Variants in CDK11A observed in about 807,000 individuals in gnomAD.
The protein encoded by CDK11A is cyclin dependent kinase 11A.
A neutral mutation model predicts 83.6 loss-of-function variants in CDK11A; 55 were observed. The ratio of observed to expected loss-of-function variants is 0.66; its 90% CI spans 0.53 to 0.82. The LOEUF is 0.82. Ranked by LOEUF, CDK11A falls within the 40% of genes least tolerant of loss-of-function variation. CDK11A has a pLI of 0.00. For synonymous variants in CDK11A, 247 were observed against 302.7 expected, an observed-to-expected ratio of 0.82 and a Z score of 1.91; for missense variants, 564 against 810.1, an observed-to-expected ratio of 0.70 and a Z score of 3.69.
rs1411337152 is a variant in CDK11A, at chr1:1,703,501, C to G, written c.2035G>C (p.Asp679His). The change falls in exon 18 of 20, where the codon GAC (aspartate) becomes CAC (histidine). Residue 679 changes from aspartate to histidine, a missense_variant. Physicochemically the swap from Asp to His is moderately conservative, Grantham distance 81 (BLOSUM62 -1). Around this residue, in one of 5 missense-constraint regions of CDK11A, gnomAD observed 361 missense variants for 402.7 expected, o/e 0.90. Transcript: ENST00000404249. ...LRKRFGALLS[D>H]QGFDLMNKFL... Reference sequence around the variant, plus strand: ...TTGTTCATGAGGTCGAAGCCCTGGTCTGAGAGCAGAGCCCCGAAGCGCTTG... The same window carrying G: ...TTGTTCATGAGGTCGAAGCCCTGGTGTGAGAGCAGAGCCCCGAAGCGCTTG... 3.2e-6 allele frequency: 5 copies of G among 1,539,488 alleles called. No homozygotes were observed. Among genetic ancestry groups the G allele is most frequent in the East Asian group, 2.4e-5 (1 of 41,636 alleles).
intron 2 of CDK11A, chr1:1,722,014 G>A: frequency 3.6e-6 from 1 of 275,382 alleles, no homozygotes; most frequent in East Asian, 9.1e-5. Context: ...AGCTTGGCAT[G>A]TTGGTGAGCC....
chr1:1,722,458 A>T (rs1644942600), intron 2 of CDK11A: 1 of 695,654 alleles, frequency 1.4e-6, no homozygotes, highest in Non-Finnish European at 2.4e-6. Context: ...GAGAAAAATT[A>T]GTCCAGTTTT....
chr1:1,718,818 A>G (rs1266551148), intron 4 of CDK11A, among the ~76,000 whole-genome samples: 1 of 149,890 alleles, frequency 6.7e-6, no homozygotes, highest in Non-Finnish European at 1.5e-5. Context: ...TTGTATTTTT[A>G]GTAGAGACTG....
intron 11 of CDK11A, 68 bp downstream of exon 11, chr1:1,707,341 C>T (rs374384253): frequency 0.086 from 128,438 of 1,497,534 alleles, 13,024 homozygotes; most frequent in African/African-American, 0.43. Context: ...GGCCAGGCTT[C>T]GCTCAGCCCC....
chr1:1,706,141 C>T (rs112830236), intron 11 of CDK11A, among the ~76,000 whole-genome samples: 27,474 of 148,708 alleles, frequency 0.18, 4,850 homozygotes, highest in African/African-American at 0.45. Context: ...GGTGAGATCT[C>T]GGCTCACTGC....
rs558644609 is a variant in CDK11A at position 1,703,835 on chromosome 1, T to C, written c.1900A>G (p.Lys634Glu). The C allele has an allele frequency of 1.2e-5, 20 of 1,609,682 alleles. 2 individuals are homozygous for C. In the African/African-American group the frequency reaches 2.4e-4, roughly 19 times the overall value. ...AGGGCCAGACCCACCTTGAACACTT[T>C]GTTGATCTGATCGATTTCCGAATTC... is the stretch of plus-strand genomic sequence containing the variant. ...PGNSEIDQINKVFKELGTPSE... is the reference protein window; with the variant it reads ...PGNSEIDQINEVFKELGTPSE... The change falls in exon 17 of 20, where the codon AAA (lysine) becomes GAA (glutamate). Residue 634 changes from lysine to glutamate, a missense_variant. By Grantham distance (56) the Lys-to-Glu change is moderately conservative. Coordinates refer to ENST00000404249, the MANE Select transcript of CDK11A (RefSeq NM_024011.4).
rs763291697 is a variant in CDK11A, at chr1:1,703,949, C to T, written c.1795-9G>A. 3.0e-5 allele frequency: 49 copies of T among 1,609,312 alleles called. No individual in the cohort carries two copies. Among genetic ancestry groups the T allele is most frequent in the African/African-American group, 1.9e-4 (14 of 74,610 alleles). Reference sequence around the variant, plus strand: ...ACGGCCGTGGAGTATTCCTAAGACGCCAGGAGAGGTGTTCAGGAAGGCCAG... The same window carrying T: ...ACGGCCGTGGAGTATTCCTAAGACGTCAGGAGAGGTGTTCAGGAAGGCCAG... On this transcript the variant is annotated splice_polypyrimidine_tract_variant and intron_variant, in intron 16 of 19. Coordinates refer to ENST00000404249, the MANE Select transcript of CDK11A (RefSeq NM_024011.4).
At chr1:1,703,991 G>A in intron 16 of CDK11A, 48 bp downstream of exon 16, 1 of 1,606,348 alleles carries the variant, frequency 6.2e-7, no homozygotes. Context: ...CGAAGCTGTG[G>A]GAGGCTGCAT....
chr1:1,706,380 T>C (rs1435273074), intron 11 of CDK11A, among the ~76,000 whole-genome samples: 4 of 151,324 alleles, frequency 2.6e-5, no homozygotes, highest in South Asian at 2.1e-4. Context: ...GCCAAAACTC[T>C]TCTCTACAAA....
At position 1,716,439 on chromosome 1, in the gene CDK11A, C is replaced by T. The variant is rs750242434; in HGVS notation, c.395G>A (p.Arg132Gln). Residue 132 changes from arginine (R) to glutamine (Q), a missense_variant, in exon 5 of 20, where the codon CGG becomes CAG. Physicochemically the swap from Arg to Gln is conservative, Grantham distance 43 (BLOSUM62 1). Around this residue, in one of 5 missense-constraint regions of CDK11A, gnomAD observed 151 missense variants for 147.4 expected, o/e 1.02. Transcript: ENST00000404249. ...ARVKEREHER[R>Q]KRHREEQDKA... Reference sequence around the variant, plus strand: ...ATCCTGTTCTTCTCGATGTCGTTTCCGACGTTCGTGCTCTCTTTCTTTCAC... The same window carrying T: ...ATCCTGTTCTTCTCGATGTCGTTTCTGACGTTCGTGCTCTCTTTCTTTCAC... 47 of 1,608,642 alleles carry T rather than the reference C, an allele frequency of 2.9e-5. 3 individuals are homozygous for T. In the South Asian group the frequency reaches 3.2e-4, roughly 11 times the overall value.
chr1:1,716,424 T>A lies in CDK11A; in HGVS notation c.410A>T (p.Glu137Val), dbSNP rs747279722. ...TTCCCGGCGAGCTTTATCCTGTTCT[T>A]CTCGATGTCGTTTCCGACGTTCGTG... ...REHERRKRHR[E>V]EQDKARREWE... is the part of the protein sequence containing the mutation. Residue 137 changes from glutamate to valine, a missense_variant, in exon 5 of 20, where the codon GAA becomes GTA. Glu to Val is a moderately radical substitution (Grantham distance 121). This residue lies in a region of CDK11A where 151 missense variants were observed against 147.4 expected (regional missense o/e 1.02). Transcript: ENST00000404249. 6.2e-6 allele frequency: 10 copies of A among 1,608,580 alleles called. No individual in the cohort carries two copies. Among genetic ancestry groups the A allele is most frequent in the Non-Finnish European group, 8.5e-6 (10 of 1,176,212 alleles).
intron 9 of CDK11A, 89 bp from the exon 10 acceptor site, chr1:1,708,334 A>C (rs1644399188): frequency 6.9e-7 from 1 of 1,443,494 alleles, no homozygotes; most frequent in South Asian, 1.3e-5. Context: ...GCTAAGCAAC[A>C]AGTGTTCCCA....
At chr1:1,717,638 G>A (rs1450964320) in intron 4 of CDK11A, among the ~76,000 whole-genome samples, 2 of 44,402 alleles carry the variant, frequency 4.5e-5, no homozygotes, top group Admixed American at 3.2e-4. Context: ...TCTGGTTTTC[G>A]GTCTGTGACA....
rs1644191565 is a variant in CDK11A at position 1,703,918 on chromosome 1, A to G, written c.1817T>C (p.Met606Thr). Residue 606 changes from methionine (M) to threonine (T), a missense_variant, in exon 17 of 20, where the codon ATG becomes ACG. Physicochemically the swap from Met to Thr is moderately conservative, Grantham distance 81. This residue lies in a region of CDK11A where 361 missense variants were observed against 402.7 expected (regional missense o/e 0.90). Coordinates refer to ENST00000404249, the MANE Select transcript of CDK11A (RefSeq NM_024011.4). ...CCCGAAGATGCAGCCCACTGACCACATGTCCACGGCCGTGGAGTATTCCTA... is the reference window on the plus strand; with the variant it reads ...CCCGAAGATGCAGCCCACTGACCACGTGTCCACGGCCGTGGAGTATTCCTA... ...GAKEYSTAVD[M>T]WSVGCIFGEL... The G allele has an allele frequency of 1.2e-6, 2 of 1,609,592 alleles. No individual in the cohort carries two copies. Among genetic ancestry groups the G allele is most frequent in the Non-Finnish European group, 8.5e-7 (1 of 1,176,904 alleles).
At chr1:1,723,698 A>G (rs2101386750) in intron 1 of CDK11A, 1 of 121,402 alleles carries the variant, frequency 8.2e-6, no homozygotes, top group African/African-American at 3.2e-5. Context: ...CTGAAAAATG[A>G]CCGCTTGAAA....
intron 12 of CDK11A, 46 bp from the exon 13 acceptor site, chr1:1,705,071 C>T (rs778504582): frequency 4.4e-6 from 7 of 1,575,074 alleles, no homozygotes; most frequent in Non-Finnish European, 6.0e-6. Flanking sequence ...CTCAAAGTCA[C>T]GGTACCAACA....
Position 1,704,212 on chromosome 1 carries a change from G to C in CDK11A, c.1686+11C>G. 6.2e-7 allele frequency: 1 copy of C among 1,608,172 alleles called. No individual in the cohort carries two copies. Among genetic ancestry groups the C allele is most frequent in the Non-Finnish European group, 8.5e-7 (1 of 1,176,578 alleles). ...GTCACCCTGGGATGGGCCACTCGGA[G>C]GGGGGCTCACCTTGAGGATGCCGGC... is the stretch of plus-strand genomic sequence containing the variant. On this transcript the variant is annotated intron_variant, in intron 15 of 19. Coordinates refer to ENST00000404249, the MANE Select transcript of CDK11A (RefSeq NM_024011.4).
rs1212744499 is a variant in CDK11A at position 1,703,781 on chromosome 1, T to G, written c.1911+43A>C. On this transcript the variant is annotated intron_variant, in intron 17 of 19. Transcript: ENST00000404249. ...CGCCCCGCAGCCCCATTCCTGCAACTCCTCTGAAATCCATAGCGCACCTGC... is the reference window on the plus strand; with the variant it reads ...CGCCCCGCAGCCCCATTCCTGCAACGCCTCTGAAATCCATAGCGCACCTGC... 3.1e-6 allele frequency: 5 copies of G among 1,604,472 alleles called. 1 individual carries two copies. The South Asian group carries it at 5.5e-5, about 18-fold the overall frequency.
rs751089541 is a variant in CDK11A, at chr1:1,703,531, G to A, written c.2005C>T (p.Leu669Phe). ...AGCAGAGCCCCGAAGCGCTTGCGGAGGTTGTTGTAGGGGTGCTCGCTGAAG... is the reference window on the plus strand; with the variant it reads ...AGCAGAGCCCCGAAGCGCTTGCGGAAGTTGTTGTAGGGGTGCTCGCTGAAG... ...MTFSEHPYNN[L>F]RKRFGALLSD... is the part of the protein sequence containing the mutation. Residue 669 changes from leucine (L) to phenylalanine (F), a missense_variant, in exon 18 of 20, where the codon CTC (leucine) becomes TTC (phenylalanine). By Grantham distance (22) the Leu-to-Phe change is conservative (BLOSUM62 0). Coordinates refer to ENST00000404249, the MANE Select transcript of CDK11A (RefSeq NM_024011.4). 1 of 1,563,064 alleles carries A rather than the reference G, an allele frequency of 6.4e-7. No homozygotes were observed. Among genetic ancestry groups the A allele is most frequent in the African/African-American group, 1.8e-5 (1 of 55,904 alleles).
Sources: gnomAD v4.1 joint callset for allele counts (sites outside exome capture counted in the v4.1 genomes callset) on GRCh38, gnomAD v4.1.1 for gene constraint, gnomAD v4.1.1 regional missense constraint, MANE v1.5 for transcripts, NCBI Gene and HGNC (gene_info 2026-07-23, HGNC 2026-07-21) for gene names.